The following UQCC1 variants were observed in gnomAD, a reference collection of about 807,000 sequenced individuals.
UQCC1 encodes ubiquinol-cytochrome c reductase complex assembly factor 1.
In UQCC1, 38 loss-of-function variants were observed where a neutral mutation model predicts 48.0. The ratio of observed to expected loss-of-function variants is 0.79; its 90% CI spans 0.61 to 1.04. The LOEUF is 1.04. UQCC1 is among the 50% of genes least tolerant of loss of function. UQCC1 has a pLI of 0.00. For synonymous variants in UQCC1, 111 were observed against 129.2 expected (o/e 0.86, Z 0.95); for missense variants, 368 against 381.8 (o/e 0.96, Z 0.30).
intron 7 of UQCC1, among the ~76,000 whole-genome samples, chr20:35,322,839 C>G (rs1473826243): frequency 6.6e-6 from 1 of 152,030 alleles, no homozygotes; most frequent in Non-Finnish European, 1.5e-5. Flanking sequence ...TGGTCAGTCT[C>G]TAAATCTACT....
At chr20:35,304,394 C>G (rs1042108511) in intron 9 of UQCC1, among the ~76,000 whole-genome samples, 1 of 152,168 alleles carries the variant, frequency 6.6e-6, no homozygotes, top group Non-Finnish European at 1.5e-5. Flanking sequence ...CCCTAGACAG[C>G]TCCTGCAGGC....
chr20:35,399,548 C>G (rs1448201684), intron 1 of UQCC1, among the ~76,000 whole-genome samples: 3 of 152,028 alleles, frequency 2.0e-5, no homozygotes, highest in Non-Finnish European at 4.4e-5. Context: ...AAACTATAAG[C>G]TCAATTGCTT....
chr20:35,310,423 TCA>T (rs1286954895), intron 8 of UQCC1, among the ~76,000 whole-genome samples: 1 of 151,950 alleles, frequency 6.6e-6, no homozygotes, highest in East Asian at 2.0e-4. Flanking sequence ...GGTGGGTGGA[TCA>T]CGAGGTCAAG....
chr20:35,338,892 A>T (rs8124558), intron 7 of UQCC1, among the ~76,000 whole-genome samples: 3,945 of 30,178 alleles, frequency 0.13, 471 homozygotes, highest in African/African-American at 0.26. Flanking sequence ...AAAAAAAAAA[A>T]ATATATATAT....
chr20:35,358,621 A>G (rs1466093884), intron 6 of UQCC1, among the ~76,000 whole-genome samples: 1 of 152,102 alleles, frequency 6.6e-6, no homozygotes, highest in Non-Finnish European at 1.5e-5. Flanking sequence ...GTGCAGTGGC[A>G]TGATATTGGC....
chr20:35,376,295 C>G (rs1024363400), intron 4 of UQCC1, among the ~76,000 whole-genome samples: 5 of 151,106 alleles, frequency 3.3e-5, no homozygotes, highest in Non-Finnish European at 7.4e-5. Context: ...GCGACAGAGC[C>G]AGACTCCGCC....
intron 4 of UQCC1, among the ~76,000 whole-genome samples, chr20:35,380,962 T>C (rs939485972): frequency 6.6e-6 from 1 of 152,216 alleles, no homozygotes; most frequent in African/African-American, 2.4e-5. Flanking sequence ...GTTTTAGATT[T>C]TGAATTTCCA....
intron 9 of UQCC1, 96 bp from the exon 10 acceptor site, chr20:35,304,165 G>T: frequency 6.5e-7 from 1 of 1,544,360 alleles, no homozygotes; most frequent in Non-Finnish European, 8.8e-7. Context: ...GAGGAAGGAA[G>T]GGGACGGGGC....
chr20:35,329,136 T>A (rs941288329), intron 7 of UQCC1, among the ~76,000 whole-genome samples: 1 of 152,222 alleles, frequency 6.6e-6, no homozygotes, highest in African/African-American at 2.4e-5. Flanking sequence ...CATCAAGCAC[T>A]GTTTTAGGAG....
chr20:35,362,923 C>T (rs563590838), intron 6 of UQCC1, among the ~76,000 whole-genome samples: 1 of 151,756 alleles, frequency 6.6e-6, no homozygotes, highest in Admixed American at 6.6e-5. Flanking sequence ...CCTCTCTCAG[C>T]CTTGGAGCCT....
intron 1 of UQCC1, among the ~76,000 whole-genome samples, chr20:35,410,841 T>C (rs994682470): frequency 2.7e-5 from 4 of 149,928 alleles, no homozygotes; most frequent in African/African-American, 9.8e-5. Flanking sequence ...AATCAATTTC[T>C]GGCCTGAAAT....
intron 1 of UQCC1, among the ~76,000 whole-genome samples, chr20:35,398,524 A>G (rs2062114053): frequency 6.6e-6 from 1 of 152,166 alleles, no homozygotes; most frequent in Non-Finnish European, 1.5e-5. Context: ...AAAATTGTAT[A>G]ATTGCCACTT....
chr20:35,334,500 C>T (rs2061292925), intron 7 of UQCC1, among the ~76,000 whole-genome samples: 1 of 152,330 alleles, frequency 6.6e-6, no homozygotes, highest in African/African-American at 2.4e-5. Flanking sequence ...GTCTAGCAAA[C>T]ACCTACTTAT....
chr20:35,390,373 G>A (rs910745412), intron 2 of UQCC1, among the ~76,000 whole-genome samples: 1 of 149,560 alleles, frequency 6.7e-6, no homozygotes, highest in African/African-American at 2.5e-5. Context: ...AGTGAGCTGA[G>A]ATTGCACCAC....
intron 7 of UQCC1, among the ~76,000 whole-genome samples, chr20:35,323,135 C>T (rs1251539928): frequency 6.6e-6 from 1 of 152,222 alleles, no homozygotes; most frequent in African/African-American, 2.4e-5. Context: ...GCGTGAGCCA[C>T]CGCGCCCGGC....
At chr20:35,366,915 G>A (rs925010202) in intron 5 of UQCC1, among the ~76,000 whole-genome samples, 2 of 151,920 alleles carry the variant, frequency 1.3e-5, no homozygotes, top group African/African-American at 2.4e-5. Context: ...CCAACATGGC[G>A]AAACCCCATC....
intron 7 of UQCC1, among the ~76,000 whole-genome samples, chr20:35,334,269 G>C (rs1462121160): frequency 6.6e-6 from 1 of 152,154 alleles, no homozygotes; most frequent in African/African-American, 2.4e-5. Context: ...CAGTACTTAA[G>C]ACAAAACATG....
In UQCC1 at chr20:35,342,921, G is replaced by A. The variant is rs76161066; in HGVS notation, c.573+4243C>T. Among the ~76,000 whole-genome samples, 1,010 of 152,100 alleles carry A rather than the reference G, an allele frequency of 6.6e-3. 15 individuals carry two copies. Among genetic ancestry groups the A allele is most frequent in the African/African-American group, 0.023 (965 of 41,478 alleles). ...CTGCTCCATTTTTCACAATAGTTGG[G>A]CTCCAAAAAGTTGGTGAAAAGCAAA... On this transcript the variant is annotated intron_variant, in intron 7 of 9. Coordinates refer to ENST00000374385, the MANE Select transcript of UQCC1 (RefSeq NM_018244.5).
At chr20:35,342,654 G>A (rs985244541) in intron 7 of UQCC1, among the ~76,000 whole-genome samples, 2 of 152,168 alleles carry the variant, frequency 1.3e-5, no homozygotes, top group African/African-American at 4.8e-5. Flanking sequence ...AGGGCCCAAG[G>A]AAAAATGGTC....
Sources: gnomAD v4.1 joint callset for allele counts (sites outside exome capture counted in the v4.1 genomes callset) on GRCh38, gnomAD v4.1.1 for gene constraint, MANE v1.5 for transcripts, NCBI Gene and HGNC (gene_info 2026-07-23, HGNC 2026-07-21) for gene names.